DPP10: variants seen among roughly 807,000 people sequenced by gnomAD.
DPP10 encodes the protein dipeptidyl peptidase like 10.
DPP10 carries 33 observed loss-of-function variants against 120.9 expected under a neutral mutation model. That is an observed-to-expected ratio of 0.27 (90% CI 0.21 to 0.37). The LOEUF is 0.37. Among genes scored for constraint, DPP10 ranks in the 10% least tolerant of loss-of-function variants. The pLI is 1.00. For synonymous variants in DPP10, 337 were observed against 326.1 expected (o/e 1.03, Z -0.36); for missense variants, 816 against 942.8 (o/e 0.87, Z 1.76).
chr2:115,775,817 T>G (rs1682031554), intron 13 of DPP10, among the ~76,000 whole-genome samples: 1 of 152,108 alleles, frequency 6.6e-6, no homozygotes, highest in South Asian at 2.1e-4. Flanking sequence ...ACTCTTATTT[T>G]TTGAACAGAA....
intron 1 of DPP10, among the ~76,000 whole-genome samples, chr2:115,242,230 G>A (rs1250268877): frequency 1.3e-5 from 2 of 152,174 alleles, no homozygotes; most frequent in East Asian, 1.9e-4. Context: ...TTGAGTTCTC[G>A]CTTATGAGTG....
intron 3 of DPP10, among the ~76,000 whole-genome samples, chr2:115,403,494 G>A (rs1389697325): frequency 2.1e-5 from 3 of 140,880 alleles, no homozygotes; most frequent in Admixed American, 7.6e-5. Flanking sequence ...CCGCCTCCCA[G>A]GTTCCAGCGA....
intron 3 of DPP10, among the ~76,000 whole-genome samples, chr2:115,473,354 A>C (rs925643401): frequency 6.6e-6 from 1 of 152,176 alleles, no homozygotes; most frequent in Admixed American, 6.5e-5. Context: ...AGTTCCTTAA[A>C]ATGAACTCTA....
intron 1 of DPP10, among the ~76,000 whole-genome samples, chr2:114,945,833 A>G (rs1479613608): frequency 1.3e-5 from 2 of 151,990 alleles, no homozygotes; most frequent in African/African-American, 2.4e-5. Context: ...CAAAAACAAA[A>G]ACAAACACCA....
At chr2:115,603,091 C>G (rs927492120) in intron 5 of DPP10, among the ~76,000 whole-genome samples, 7 of 150,330 alleles carry the variant, frequency 4.7e-5, no homozygotes, top group Middle Eastern at 3.4e-3. Context: ...TGTCAACATG[C>G]TGAATGTTAT....
At chr2:114,740,930 A>T (rs1265637164) in intron 1 of DPP10, among the ~76,000 whole-genome samples, 1 of 152,212 alleles carries the variant, frequency 6.6e-6, no homozygotes, top group African/African-American at 2.4e-5. Context: ...AATAATGATT[A>T]TTGTGAAATC....
chr2:115,060,201 T>TA (rs1559046303), intron 1 of DPP10, among the ~76,000 whole-genome samples: 60 of 148,158 alleles, frequency 4.0e-4, no homozygotes, highest in Non-Finnish European at 5.7e-4. Flanking sequence ...ATAAAGAAAT[T>TA]TATATATATA....
intron 5 of DPP10, among the ~76,000 whole-genome samples, chr2:115,588,526 G>A (rs754411589): frequency 6.6e-6 from 1 of 152,150 alleles, no homozygotes; most frequent in Non-Finnish European, 1.5e-5. Context: ...ATCTTCCAAA[G>A]CAGGTGAAGC....
chr2:115,516,054 A>G (rs1048435662), intron 4 of DPP10, among the ~76,000 whole-genome samples: 3 of 152,146 alleles, frequency 2.0e-5, no homozygotes, highest in Admixed American at 1.3e-4. Context: ...AGTGGACAAT[A>G]CAAGAAAAGG....
intron 1 of DPP10, among the ~76,000 whole-genome samples, chr2:114,629,676 T>G (rs972504494): frequency 3.9e-5 from 6 of 152,188 alleles, no homozygotes; most frequent in African/African-American, 1.4e-4. Flanking sequence ...GCAGAGGTGT[T>G]GCTAATTGGC....
intron 3 of DPP10, among the ~76,000 whole-genome samples, chr2:115,394,376 G>A (rs1223384604): frequency 6.7e-6 from 1 of 149,424 alleles, no homozygotes; most frequent in African/African-American, 2.5e-5. Context: ...GTTCTTGGAG[G>A]TATTCTTTTG....
rs567782542 is a variant in DPP10, at chr2:115,647,433, T to G, written c.442-42254T>G. Among the ~76,000 whole-genome samples, 7 of 152,238 alleles carry G rather than the reference T, an allele frequency of 4.6e-5. No homozygotes were observed. The South Asian group carries it at 1.4e-3, about 32-fold the overall frequency. The stretch of plus-strand genomic sequence containing the variant: ...AGCAGCTGGTATGTACTAAACACTC[T>G]GCTAGGCCTTCAAATATGGCATTGC... On this transcript the variant is annotated intron_variant, in intron 5 of 25. Transcript: ENST00000410059.
At chr2:114,899,070 T>G (rs1412821283) in intron 1 of DPP10, among the ~76,000 whole-genome samples, 2 of 152,010 alleles carry the variant, frequency 1.3e-5, no homozygotes, top group Admixed American at 1.3e-4. Context: ...ATATGTTTTT[T>G]TTTTCTTTCC....
chr2:114,840,866 T>C (rs1370076852), intron 1 of DPP10, among the ~76,000 whole-genome samples: 1 of 152,162 alleles, frequency 6.6e-6, no homozygotes, highest in Non-Finnish European at 1.5e-5. Context: ...ATGGTTAGAA[T>C]CTTGGGCAGA....
intron 1 of DPP10, among the ~76,000 whole-genome samples, chr2:114,950,567 AT>A (rs926474928): frequency 1.3e-4 from 19 of 147,922 alleles, no homozygotes; most frequent in South Asian, 6.4e-4. Context: ...GTCTCTCAAG[AT>A]TTTTTTTTTA....
At chr2:115,413,877 T>C (rs2069148936) in intron 3 of DPP10, among the ~76,000 whole-genome samples, 1 of 151,684 alleles carries the variant, frequency 6.6e-6, no homozygotes, top group African/African-American at 2.4e-5. Context: ...CATTTGACTT[T>C]ATCTAAGGAA....
At position 114,889,159 on chromosome 2, in the gene DPP10, C is replaced by G. The variant is rs142786946; in HGVS notation, c.61-420080C>G. On this transcript the variant is annotated intron_variant, in intron 1 of 25. Transcript: ENST00000410059. ...GCTACATCCCTGACAACAACCTGCTCTAGGACTTCTAGCCTCCAGAACTGT... is the reference window on the plus strand; with the variant it reads ...GCTACATCCCTGACAACAACCTGCTGTAGGACTTCTAGCCTCCAGAACTGT... 2.6e-3 allele frequency among the ~76,000 whole-genome samples: 395 copies of G among 152,310 alleles called. 5 individuals carry two copies. Among genetic ancestry groups the G allele is most frequent in the African/African-American group, 9.0e-3 (374 of 41,572 alleles).
intron 1 of DPP10, among the ~76,000 whole-genome samples, chr2:114,590,013 T>TAA (rs1393591945): frequency 2.0e-5 from 3 of 152,116 alleles, no homozygotes; most frequent in Non-Finnish European, 2.9e-5. Flanking sequence ...CACTATCTTG[T>TAA]GAAAGACACA....
At chr2:115,289,438 C>T (rs1215826991) in intron 1 of DPP10, among the ~76,000 whole-genome samples, 1 of 118,282 alleles carries the variant, frequency 8.5e-6, no homozygotes, top group Non-Finnish European at 1.8e-5. Flanking sequence ...ATGCCAATGC[C>T]ATTTTTCACA....
Sources: gnomAD v4.1 joint callset for allele counts (sites outside exome capture counted in the v4.1 genomes callset) on GRCh38, gnomAD v4.1.1 for gene constraint, MANE v1.5 for transcripts, NCBI Gene and HGNC (gene_info 2026-07-23, HGNC 2026-07-21) for gene names.